The following GRID1 variants were observed in gnomAD, a reference collection of about 807,000 sequenced individuals.
GRID1 encodes glutamate ionotropic receptor delta type subunit 1, also known as glutamate receptor ionotropic, delta-1.
GRID1 carries 28 observed loss-of-function variants against 98.0 expected under a neutral mutation model. That is an observed-to-expected ratio of 0.29 (90% CI 0.21 to 0.39). The LOEUF is 0.39. Ranked by LOEUF, GRID1 falls within the 10% of genes least tolerant of loss-of-function variation. The probability of loss-of-function intolerance (pLI) is 1.00; values close to 1 mark genes in which losing one functional copy is unlikely to be tolerated. For synonymous variants in GRID1, 553 were observed against 538.5 expected, an observed-to-expected ratio of 1.03 and a Z score of -0.37; for missense variants, 1,111 against 1,340.5, an observed-to-expected ratio of 0.83 and a Z score of 2.67.
chr10:86,031,458 T>G lies in GRID1; in HGVS notation c.726+107361A>C, dbSNP rs538058412. Among the ~76,000 whole-genome samples the G allele has an allele frequency of 2.6e-4, 39 of 152,282 alleles. 1 individual carries two copies. The highest frequency in any genetic ancestry group is 4.6e-4 in the Non-Finnish European group (31 of 68,004). On this transcript the variant is annotated intron_variant, in intron 4 of 15. Transcript: ENST00000327946. ...GGTTGAAAAACTACCTATGGGGTAC[T>G]ATGTTCACTACTTAGGTGACAGGAT...
chr10:85,886,168 G>A (rs1589287859), intron 5 of GRID1, among the ~76,000 whole-genome samples: 2 of 152,274 alleles, frequency 1.3e-5, no homozygotes, highest in African/African-American at 4.8e-5. Context: ...CTCCATGCTG[G>A]ATTTTTTAGA....
At chr10:86,156,182 G>A (rs992095865) in intron 3 of GRID1, among the ~76,000 whole-genome samples, 1 of 152,242 alleles carries the variant, frequency 6.6e-6, no homozygotes, top group South Asian at 2.1e-4. Flanking sequence ...GCAGATGCAT[G>A]CACAGCTTGT....
chr10:86,125,770 C>T (rs1844743342), intron 4 of GRID1, among the ~76,000 whole-genome samples: 1 of 152,186 alleles, frequency 6.6e-6, no homozygotes, highest in South Asian at 2.1e-4. Context: ...ATGAAGATAA[C>T]AAGGACGAAG....
At chr10:86,064,068 C>T (rs533121686) in intron 4 of GRID1, among the ~76,000 whole-genome samples, 45 of 152,202 alleles carry the variant, frequency 3.0e-4, no homozygotes, top group African/African-American at 1.1e-3. Flanking sequence ...TTAAATTGTT[C>T]GTTTTTTTTC....
intron 4 of GRID1, among the ~76,000 whole-genome samples, chr10:86,013,125 T>C (rs1842939987): frequency 6.6e-6 from 1 of 152,200 alleles, no homozygotes; most frequent in South Asian, 2.1e-4. Context: ...ACCTATTCAA[T>C]AGCTGTTTTC....
intron 14 of GRID1, among the ~76,000 whole-genome samples, chr10:85,615,017 G>A (rs1842772452): frequency 6.6e-6 from 1 of 152,196 alleles, no homozygotes; most frequent in Non-Finnish European, 1.5e-5. Context: ...TGTGTCGTTA[G>A]AGAGCAACAG....
intron 4 of GRID1, among the ~76,000 whole-genome samples, chr10:86,034,256 G>A (rs1381150928): frequency 6.6e-6 from 1 of 152,108 alleles, no homozygotes; most frequent in African/African-American, 2.4e-5. Flanking sequence ...ATGTGTGTGT[G>A]TGAGTATGTG....
chr10:86,076,450 T>G (rs1361978169), intron 4 of GRID1, among the ~76,000 whole-genome samples: 1 of 152,206 alleles, frequency 6.6e-6, no homozygotes, highest in East Asian at 1.9e-4. Flanking sequence ...CCAAACCTGA[T>G]GTATTAGTCA....
intron 13 of GRID1, among the ~76,000 whole-genome samples, chr10:85,641,170 T>C (rs1843111881): frequency 6.6e-6 from 1 of 152,330 alleles, no homozygotes; most frequent in East Asian, 1.9e-4. Context: ...GAAATTGGGT[T>C]ATGCTGGATG....
At chr10:85,762,671 G>A (rs1456437750) in intron 8 of GRID1, among the ~76,000 whole-genome samples, 17 of 152,170 alleles carry the variant, frequency 1.1e-4, no homozygotes, top group African/African-American at 1.9e-4. Flanking sequence ...CCAAAAAAGC[G>A]ACAGAGGCTT....
In GRID1 at chr10:85,774,632, G is replaced by A. The variant is rs1337088853; in HGVS notation, c.1234-45018C>T. On this transcript the variant is annotated intron_variant, in intron 8 of 15. Transcript: ENST00000327946. ...ATGAACTCAAACAAATTTACAAGAA[G>A]AAAACAAACAACCCTATTAAAAAGT... Among the ~76,000 whole-genome samples the A allele has an allele frequency of 8.5e-5, 13 of 152,078 alleles. No homozygotes were observed. The South Asian group carries it at 1.0e-3, about 12-fold the overall frequency.
Position 85,889,409 on chromosome 10 carries a change from T to C in GRID1, c.781-20229A>G, listed in dbSNP as rs149124738. On this transcript the variant is annotated intron_variant, in intron 5 of 15. Transcript: ENST00000327946. ...TTCTACGAGATCAATATTTTTTAGA[T>C]TCCACTTGAGTGAGATTATGCAGTA... is the stretch of plus-strand genomic sequence containing the variant. 7.1e-4 allele frequency among the ~76,000 whole-genome samples: 108 copies of C among 152,336 alleles called. 3 individuals are homozygous for C. In the East Asian group the frequency reaches 0.019, roughly 27 times the overall value.
intron 8 of GRID1, among the ~76,000 whole-genome samples, chr10:85,817,936 C>G (rs938906850): frequency 3.3e-5 from 5 of 152,160 alleles, no homozygotes; most frequent in African/African-American, 1.2e-4. Flanking sequence ...AAGGCATAAC[C>G]TCACTGAAGG....
chr10:85,654,472 C>T (rs561978722), intron 12 of GRID1, among the ~76,000 whole-genome samples: 2 of 152,154 alleles, frequency 1.3e-5, no homozygotes, highest in Admixed American at 6.5e-5. Context: ...GTGATCTGAA[C>T]GATTTTAAAT....
Position 85,967,626 on chromosome 10 carries a change from A to G in GRID1, c.727-51387T>C, listed in dbSNP as rs150715922. ...ATAACAATAGTATCTCACCAAATGGAGAATGTCAATAAAGAGACAGAAATT... is the reference window on the plus strand; with the variant it reads ...ATAACAATAGTATCTCACCAAATGGGGAATGTCAATAAAGAGACAGAAATT... On this transcript the variant is annotated intron_variant, in intron 4 of 15. Transcript: ENST00000327946. Among the ~76,000 whole-genome samples the G allele has an allele frequency of 5.9e-5, 9 of 152,372 alleles. No homozygotes were observed. The East Asian group carries it at 1.7e-3, about 29-fold the overall frequency.
chr10:85,674,452 G>T (rs887165205), intron 12 of GRID1, among the ~76,000 whole-genome samples: 1 of 152,134 alleles, frequency 6.6e-6, no homozygotes, highest in Non-Finnish European at 1.5e-5. Context: ...GAGATTAATG[G>T]ATTAGAAAAG....
intron 2 of GRID1, among the ~76,000 whole-genome samples, chr10:86,341,718 G>A (rs758144124): frequency 6.6e-6 from 1 of 152,210 alleles, no homozygotes; most frequent in African/African-American, 2.4e-5. Context: ...TGGGGTAGAC[G>A]CACAGCTCTG....
intron 3 of GRID1, among the ~76,000 whole-genome samples, chr10:86,183,339 A>ATTAT (rs58071795): frequency 0.056 from 8,386 of 149,676 alleles, 290 homozygotes; most frequent in Admixed American, 0.092. Flanking sequence ...ATATACCACA[A>ATTAT]TTATTTATTT....
chr10:86,284,381 C>T (rs1414197631), intron 2 of GRID1, among the ~76,000 whole-genome samples: 1 of 152,222 alleles, frequency 6.6e-6, no homozygotes, highest in Non-Finnish European at 1.5e-5. Flanking sequence ...GCTCAGCCAC[C>T]TCCTAATCAG....
Sources: allele counts gnomAD v4.1 joint callset (sites outside exome capture counted in the v4.1 genomes callset), GRCh38; gene constraint gnomAD v4.1.1; transcripts MANE v1.5; gene names NCBI Gene and HGNC (gene_info 2026-07-23, HGNC 2026-07-21).